The following KDM3B variants were observed in gnomAD, a reference collection of about 807,000 sequenced individuals.
The protein encoded by KDM3B is lysine demethylase 3B.
KDM3B carries 10 observed loss-of-function variants against 170.0 expected under a neutral mutation model. That is an observed-to-expected ratio of 0.06 (90% CI 0.04 to 0.10). The LOEUF (loss-of-function observed/expected upper bound fraction) is 0.10. KDM3B is among the 10% of genes least tolerant of loss of function. The probability of loss-of-function intolerance (pLI) is 1.00; values close to 1 mark genes in which losing one functional copy is unlikely to be tolerated. For synonymous variants in KDM3B, 831 were observed against 834.8 expected (o/e 1.00, Z 0.08); for missense variants, 1,394 against 2,195.2 (o/e 0.64, Z 7.29).
Position 138,429,832 on chromosome 5 carries a change from T to A in KDM3B, c.4760T>A (p.Leu1587His). ...GTCATTTTGCTCTTTTCAGAGGTAC[T>A]CAAGACAATTGACGAGGGAGATGCC... ...IGEGAHDEEV[L>H]KTIDEGDADE... Residue 1587 changes from leucine to histidine, a missense_variant, in exon 21 of 24, where the codon CTC becomes CAC. Leu to His is a moderately conservative substitution (Grantham distance 99). Transcript: ENST00000314358. 6.2e-7 allele frequency: 1 copy of A among 1,614,000 alleles called. No homozygotes were observed.
At chr5:138,407,101 C>T (rs1467626668) in intron 11 of KDM3B, among the ~76,000 whole-genome samples, 3 of 151,692 alleles carry the variant, frequency 2.0e-5, no homozygotes, top group Admixed American at 6.6e-5. Context: ...TTCTCCTGCC[C>T]CAGCCTCCCA....
At chr5:138,389,782 CTGTG>C (rs148405512) in intron 7 of KDM3B, among the ~76,000 whole-genome samples, 10 of 143,554 alleles carry the variant, frequency 7.0e-5, no homozygotes, top group African/African-American at 1.5e-4. Flanking sequence ...CTCTCTCTCT[CTGTG>C]TGTGTGTGTG....
intron 6 of KDM3B, among the ~76,000 whole-genome samples, chr5:138,384,101 C>T (rs1762193952): frequency 6.6e-6 from 1 of 150,740 alleles, no homozygotes; most frequent in African/African-American, 2.4e-5. Context: ...AAAAAATTAG[C>T]CGGGCGCGGT....
At chr5:138,365,533 C>T (rs1388859450) in intron 1 of KDM3B, among the ~76,000 whole-genome samples, 6 of 151,852 alleles carry the variant, frequency 4.0e-5, no homozygotes, top group Non-Finnish European at 5.9e-5. Context: ...GCTGGGATTA[C>T]GGTCATGAGC....
rs766887241 is a variant in KDM3B at position 138,392,114 on chromosome 5, C to G, written c.2482C>G (p.Leu828Val). ...LSDLSDSEEQLQAKTGLKGIP... is the reference protein window; with the variant it reads ...LSDLSDSEEQVQAKTGLKGIP... ...AGATTTGAGTGACTCTGAGGAGCAG[C>G]TGCAGGCTAAGACAGGCCTGAAGGG... The change falls in exon 8 of 24, where the codon CTG (leucine) becomes GTG (valine). Residue 828 changes from leucine to valine, a missense_variant. By Grantham distance (32) the Leu-to-Val change is conservative. This residue lies in a region of KDM3B where 84 missense variants were observed against 135.8 expected (regional missense o/e 0.62). Transcript: ENST00000314358. 15 of 1,607,162 alleles carry G rather than the reference C, an allele frequency of 9.3e-6. No individual in the cohort carries two copies. The highest frequency in any genetic ancestry group is 1.2e-5 in the Non-Finnish European group (14 of 1,174,408).
intron 11 of KDM3B, among the ~76,000 whole-genome samples, chr5:138,401,181 G>T (rs1762684233): frequency 6.7e-6 from 1 of 149,478 alleles, no homozygotes; most frequent in Admixed American, 6.8e-5. Flanking sequence ...TGAGGCAGGA[G>T]AATCGCTTGA....
chr5:138,416,579 A>G (rs1160406018), intron 12 of KDM3B, among the ~76,000 whole-genome samples: 2 of 125,022 alleles, frequency 1.6e-5, no homozygotes, highest in Non-Finnish European at 3.3e-5. Flanking sequence ...ATACGGTGAG[A>G]CTCTGTCTCA....
Position 138,374,267 on chromosome 5 carries a change from T to A in KDM3B, c.361-826T>A, listed in dbSNP as rs780803283. On this transcript the variant is annotated intron_variant, in intron 2 of 23. Transcript: ENST00000314358. Reference sequence around the variant, plus strand: ...GCCCAGCCGTTTCATTTGTTTTTGTTGTTGTTGTTGTTAAGATGGAGTTTC... The same window carrying A: ...GCCCAGCCGTTTCATTTGTTTTTGTAGTTGTTGTTGTTAAGATGGAGTTTC... 7 of 442,088 alleles carry A rather than the reference T, an allele frequency of 1.6e-5. No individual in the cohort carries two copies. In the East Asian group the frequency reaches 5.5e-4, roughly 35 times the overall value. The allele number at this position is 442,088 out of a possible 1,614,324, so 27.4% of individuals were successfully genotyped here. A position where few individuals can be genotyped will look rare whatever the true frequency, so the allele number is the denominator to read the frequency against.
chr5:138,419,346 T>C, intron 14 of KDM3B, 114 bp downstream of exon 14: 1 of 1,275,132 alleles, frequency 7.8e-7, no homozygotes, highest in Non-Finnish European at 1.1e-6. Context: ...ACTTACTTTC[T>C]CTGGCTAATC....
intron 11 of KDM3B, among the ~76,000 whole-genome samples, chr5:138,406,594 C>T (rs28431237): frequency 2.1e-4 from 32 of 151,952 alleles, no homozygotes; most frequent in Non-Finnish European, 4.1e-4. Context: ...GCTGAGGTCG[C>T]GACATTGCAC....
rs114663127 is a variant in KDM3B, at chr5:138,375,070, T to G, written c.361-23T>G. 749 of 1,296,854 alleles carry G rather than the reference T, an allele frequency of 5.8e-4. 6 individuals are homozygous for G. In the African/African-American group the frequency reaches 1.0e-2, roughly 17 times the overall value. The allele number at this position is 1,296,854 out of a possible 1,614,324, so 80.3% of individuals were successfully genotyped here. A position where few individuals can be genotyped will look rare whatever the true frequency, so the allele number is the denominator to read the frequency against. On this transcript the variant is annotated intron_variant, in intron 2 of 23. Coordinates refer to ENST00000314358, the MANE Select transcript of KDM3B (RefSeq NM_016604.4). ...TTTTTTATTCCCAAGTTCTAATCAA[T>G]TTCTTGTCATTGTACTTCACAGACT... is the stretch of plus-strand genomic sequence containing the variant.
chr5:138,352,887 C>A lies in KDM3B; in HGVS notation c.92C>A (p.Ala31Glu). ...TCAGCCTCGGCCTCGGCTCCCGCGG[C>A]GGCAGCGGCGAGCGGAGATCCGGGG... ...AASASASAPA[A>E]AAASGDPGPA... Residue 31 changes from alanine (A) to glutamate (E), a missense_variant, in exon 1 of 24, where the codon GCG (alanine) becomes GAG (glutamate). Ala to Glu is a moderately radical substitution (Grantham distance 107). Transcript: ENST00000314358. 7.3e-7 allele frequency: 1 copy of A among 1,375,916 alleles called. No individual in the cohort carries two copies. The highest frequency in any genetic ancestry group is 9.4e-7 in the Non-Finnish European group (1 of 1,062,124). The allele number at this position is 1,375,916 out of a possible 1,614,324, so 85.2% of individuals were successfully genotyped here. A position where few individuals can be genotyped will look rare whatever the true frequency, so the allele number is the denominator to read the frequency against.
intron 7 of KDM3B, among the ~76,000 whole-genome samples, chr5:138,390,445 C>A (rs1367735469): frequency 6.6e-6 from 1 of 152,126 alleles, no homozygotes; most frequent in East Asian, 1.9e-4. Flanking sequence ...ATGCCGAAAT[C>A]CAAAAGGGTC....
At chr5:138,402,714 A>G (rs965278051) in intron 11 of KDM3B, among the ~76,000 whole-genome samples, 3 of 152,236 alleles carry the variant, frequency 2.0e-5, no homozygotes, top group African/African-American at 7.2e-5. Context: ...GACATTGAAC[A>G]ACAGGCAACA....
intron 15 of KDM3B, among the ~76,000 whole-genome samples, chr5:138,423,412 T>C (rs1763322390): frequency 6.6e-6 from 1 of 152,212 alleles, no homozygotes; most frequent in African/African-American, 2.4e-5. Context: ...CATAGGATTA[T>C]CCAGTTTATA....
At chr5:138,386,903 A>C (rs1256163677) in intron 7 of KDM3B, among the ~76,000 whole-genome samples, 1 of 152,208 alleles carries the variant, frequency 6.6e-6, no homozygotes, top group South Asian at 2.1e-4. Context: ...GAATGTTTTA[A>C]ATTCTATTAT....
intron 1 of KDM3B, among the ~76,000 whole-genome samples, chr5:138,353,745 G>C (rs770541059): frequency 1.3e-5 from 2 of 152,166 alleles, no homozygotes; most frequent in Non-Finnish European, 2.9e-5. Context: ...TTGAAACTTT[G>C]TGTTTGGGCT....
At chr5:138,400,887 CT>C (rs896428026) in intron 11 of KDM3B, among the ~76,000 whole-genome samples, 51 of 142,798 alleles carry the variant, frequency 3.6e-4, no homozygotes, top group African/African-American at 1.4e-3. Context: ...CACTAGTCCA[CT>C]TTTTTCTCTT....
At chr5:138,415,948 A>G (rs1236057044) in intron 12 of KDM3B, among the ~76,000 whole-genome samples, 1 of 152,090 alleles carries the variant, frequency 6.6e-6, no homozygotes. Context: ...TAAAATGGTC[A>G]GGTGTGGTAG....
Sources: gnomAD v4.1 joint callset for allele counts (sites outside exome capture counted in the v4.1 genomes callset) on GRCh38, gnomAD v4.1.1 for gene constraint, gnomAD v4.1.1 regional missense constraint, MANE v1.5 for transcripts, NCBI Gene and HGNC (gene_info 2026-07-23, HGNC 2026-07-21) for gene names.